The following TMC7 variants were observed in gnomAD, a reference collection of about 807,000 sequenced individuals.
TMC7 encodes transmembrane channel-like protein 7.
TMC7 carries 54 observed loss-of-function variants against 82.9 expected under a neutral mutation model. The ratio of observed to expected loss-of-function variants is 0.65; its 90% CI spans 0.52 to 0.82. TMC7 has a LOEUF of 0.82. Ranked by LOEUF, TMC7 falls within the 40% of genes least tolerant of loss-of-function variation. TMC7 has a pLI of 0.00. For missense variants in TMC7, 820 were observed against 901.2 expected (o/e 0.91, Z 1.15); for synonymous variants, 350 against 337.9 (o/e 1.04, Z -0.39).
Position 19,009,247 on chromosome 16 carries a change from C to G in TMC7, c.143C>G (p.Ser48Cys). ...CTCCAAGAATTGCCAAGCTACCGGT[C>G]CATTGCACGTAGGAGAACGACTGTC... ...NFLQELPSYR[S>C]IARRRTTVHS... Residue 48 changes from serine to cysteine, a missense_variant, in exon 2 of 16, where the codon TCC (serine) becomes TGC (cysteine). Around this residue, in one of 2 missense-constraint regions of TMC7, gnomAD observed 650 missense variants for 669.9 expected, o/e 0.97. Coordinates refer to ENST00000304381, the MANE Select transcript of TMC7 (RefSeq NM_024847.4). The G allele has an allele frequency of 6.2e-7, 1 of 1,614,180 alleles. No individual in the cohort carries two copies. Among genetic ancestry groups the G allele is most frequent in the Non-Finnish European group, 8.5e-7 (1 of 1,180,048 alleles).
At chr16:19,061,752 G>C (rs753133989) in intron 15 of TMC7, 26 bp from the exon 16 acceptor site, 1 of 1,598,948 alleles carries the variant, frequency 6.3e-7, no homozygotes, top group South Asian at 1.1e-5. Context: ...TATATTAAAT[G>C]TACATGTGAA....
intron 11 of TMC7, among the ~76,000 whole-genome samples, chr16:19,045,678 C>T (rs923174288): frequency 6.7e-6 from 1 of 150,342 alleles, no homozygotes. Flanking sequence ...CTCACTGCAA[C>T]CTCCGCCTCC....
intron 7 of TMC7, among the ~76,000 whole-genome samples, chr16:19,036,256 TC>T (rs1304990212): frequency 6.6e-6 from 1 of 152,162 alleles, no homozygotes; most frequent in African/African-American, 2.4e-5. Flanking sequence ...ATGCCTGTAA[TC>T]CCAGCACTTT....
At chr16:19,027,174 A>G (rs1363124962) in intron 5 of TMC7, among the ~76,000 whole-genome samples, 1 of 146,898 alleles carries the variant, frequency 6.8e-6, no homozygotes, top group Non-Finnish European at 1.5e-5. Flanking sequence ...GTTTCAAGCA[A>G]TTCTTGTGCC....
intron 4 of TMC7, among the ~76,000 whole-genome samples, chr16:19,022,764 C>G (rs1284209203): frequency 1.3e-5 from 2 of 152,234 alleles, no homozygotes; most frequent in Non-Finnish European, 2.9e-5. Context: ...TCCGGGGGCT[C>G]ACGCCTGTAA....
intron 5 of TMC7, among the ~76,000 whole-genome samples, chr16:19,027,007 C>G (rs554408370): frequency 6.3e-4 from 94 of 149,930 alleles, no homozygotes; most frequent in African/African-American, 2.3e-3. Context: ...AGTGATCCAC[C>G]CACCTCGGCC....
At chr16:19,029,962 C>T (rs1202859040) in intron 5 of TMC7, among the ~76,000 whole-genome samples, 3 of 151,724 alleles carry the variant, frequency 2.0e-5, no homozygotes, top group South Asian at 2.1e-4. Flanking sequence ...GAGATCTGCC[C>T]GCTTTGGCCT....
intron 6 of TMC7, among the ~76,000 whole-genome samples, chr16:19,031,732 T>G (rs1204260602): frequency 6.6e-6 from 1 of 152,154 alleles, no homozygotes; most frequent in Non-Finnish European, 1.5e-5. Flanking sequence ...ATGACAGTCC[T>G]GGGTGGGGGC....
chr16:19,033,095 A>G (rs1960593045), intron 6 of TMC7, among the ~76,000 whole-genome samples: 1 of 152,088 alleles, frequency 6.6e-6, no homozygotes, highest in Non-Finnish European at 1.5e-5. Flanking sequence ...AGTGACAAAG[A>G]GTATGGACTT....
Position 19,038,085 on chromosome 16 carries a change from G to C in TMC7, c.1179+38G>C, listed in dbSNP as rs758388463. ...GTACTCTGGCTGGACATTATGCCTA[G>C]TGCACTGAAAATCTGTGAGGTAGAT... is the stretch of plus-strand genomic sequence containing the variant. On this transcript the variant is annotated intron_variant, in intron 8 of 15. Coordinates refer to ENST00000304381, the MANE Select transcript of TMC7 (RefSeq NM_024847.4). 3 of 1,582,586 alleles carry C rather than the reference G, an allele frequency of 1.9e-6. No individual in the cohort carries two copies. The East Asian group carries it at 6.8e-5, about 36-fold the overall frequency.
In TMC7 at chr16:18,983,940, G is replaced by C. The variant is rs559238939; in HGVS notation, c.-124G>C. 2.7e-5 allele frequency: 30 copies of C among 1,095,702 alleles called. No individual in the cohort carries two copies. The South Asian group carries it at 6.4e-4, about 23-fold the overall frequency. 67.9% of individuals were successfully genotyped at this position (1,095,702 alleles called of 1,614,324 possible). On this transcript the variant is annotated 5_prime_UTR_variant, in exon 1 of 16. Transcript: ENST00000304381. ...CTCCTCGCGGGGGCGCCCCACTCCG[G>C]CTTCTGTGATGTCAGCGCCGGAACC...
At chr16:18,993,722 A>G (rs768212820) in intron 1 of TMC7, among the ~76,000 whole-genome samples, 15 of 152,190 alleles carry the variant, frequency 9.9e-5, no homozygotes, top group Non-Finnish European at 2.2e-4. Context: ...CATAGTGAGG[A>G]CATTCTTTCT....
chr16:19,042,284 C>T (rs1017469512), intron 9 of TMC7, among the ~76,000 whole-genome samples: 8 of 151,944 alleles, frequency 5.3e-5, no homozygotes, highest in Admixed American at 2.0e-4. Context: ...AAGTGACCCT[C>T]CTGCCTCAGT....
chr16:19,041,214 A>G (rs1013162251), intron 9 of TMC7, among the ~76,000 whole-genome samples: 2 of 151,840 alleles, frequency 1.3e-5, no homozygotes, highest in Non-Finnish European at 2.9e-5. Flanking sequence ...TTCAAACAGA[A>G]TGCATAGTGT....
chr16:19,040,316 A>T lies in TMC7; in HGVS notation c.1207A>T (p.Asn403Tyr). ...KEIDKMVFGE[N>Y]LFILYLPSIV... Reference sequence around the variant, plus strand: ...AATCGACAAGATGGTTTTTGGAGAGAACCTCTTCATATTGTATCTACCGTC... The same window carrying T: ...AATCGACAAGATGGTTTTTGGAGAGTACCTCTTCATATTGTATCTACCGTC... The change falls in exon 9 of 16, where the codon AAC (asparagine) becomes TAC (tyrosine). Residue 403 changes from asparagine (N) to tyrosine (Y), a missense_variant. By Grantham distance (143) the Asn-to-Tyr change is moderately radical (BLOSUM62 -2). Transcript: ENST00000304381. 1 of 1,613,624 alleles carries T rather than the reference A, an allele frequency of 6.2e-7. No homozygotes were observed. Among genetic ancestry groups the T allele is most frequent in the Non-Finnish European group, 8.5e-7 (1 of 1,179,924 alleles).
chr16:18,993,084 A>G (rs1156859582), intron 1 of TMC7, among the ~76,000 whole-genome samples: 1 of 152,198 alleles, frequency 6.6e-6, no homozygotes, highest in South Asian at 2.1e-4. Flanking sequence ...TTAAAGAAGG[A>G]TTAGAGATGG....
chr16:19,017,239 C>A (rs887547437), intron 3 of TMC7, among the ~76,000 whole-genome samples: 1 of 151,716 alleles, frequency 6.6e-6, no homozygotes, highest in South Asian at 2.1e-4. Flanking sequence ...TTCTATCACA[C>A]ATATTTTTAA....
rs1377667374 is a variant in TMC7 at position 19,049,231 on chromosome 16, C to A, written c.1740+1982C>A. Among the ~76,000 whole-genome samples the A allele has an allele frequency of 3.3e-5, 5 of 152,146 alleles. No individual in the cohort carries two copies. In the South Asian group the frequency reaches 6.2e-4, roughly 19 times the overall value. On this transcript the variant is annotated intron_variant, in intron 12 of 15. Transcript: ENST00000304381. Reference sequence around the variant, plus strand: ...TAGAGACAGCGTTTCACCATGTTGGCCAGGCTGGTCTCCAACTCCTGGCCT... The same window carrying A: ...TAGAGACAGCGTTTCACCATGTTGGACAGGCTGGTCTCCAACTCCTGGCCT...
chr16:19,006,060 C>T (rs1169226210), intron 1 of TMC7, among the ~76,000 whole-genome samples: 1 of 152,230 alleles, frequency 6.6e-6, no homozygotes, highest in Non-Finnish European at 1.5e-5. Context: ...TGCCCATCCT[C>T]ATCCGGTTGG....
Sources: allele counts gnomAD v4.1 joint callset (sites outside exome capture counted in the v4.1 genomes callset), GRCh38; gene constraint gnomAD v4.1.1; regional missense constraint gnomAD v4.1.1; transcripts MANE v1.5; gene names NCBI Gene and HGNC (gene_info 2026-07-23, HGNC 2026-07-21).